Variants in DSE observed in about 807,000 individuals in gnomAD.
DSE encodes the protein dermatan-sulfate epimerase.
DSE carries 36 observed loss-of-function variants against 84.4 expected under a neutral mutation model. That is an observed-to-expected ratio of 0.43 (90% CI 0.33 to 0.56). DSE has a LOEUF of 0.56. Ranked by LOEUF, DSE falls within the 20% of genes least tolerant of loss-of-function variation. DSE has a pLI of 0.06. For missense variants in DSE, 862 were observed against 1,169.6 expected (o/e 0.74, Z 3.84); for synonymous variants, 410 against 430.1 (o/e 0.95, Z 0.58).
At chr6:116,360,904 G>C (rs1213739571) in intron 2 of DSE, among the ~76,000 whole-genome samples, 1 of 151,876 alleles carries the variant, frequency 6.6e-6, no homozygotes, top group Non-Finnish European at 1.5e-5. Context: ...TAAATTCACT[G>C]GTCAGAGTTC....
intron 4 of DSE, among the ~76,000 whole-genome samples, 185 bp downstream of exon 4, chr6:116,431,378 T>A (rs560936998): frequency 2.0e-4 from 30 of 152,334 alleles, no homozygotes; most frequent in Non-Finnish European, 3.8e-4. Flanking sequence ...TTTTGGAGGC[T>A]AATGTGAGTA....
intron 2 of DSE, among the ~76,000 whole-genome samples, chr6:116,407,727 G>T (rs964870491): frequency 5.9e-5 from 9 of 152,112 alleles, no homozygotes; most frequent in African/African-American, 1.2e-4. Context: ...TGTCATTTTT[G>T]AATGTAAGTG....
At chr6:116,420,408 G>C (rs77140938) in intron 2 of DSE, among the ~76,000 whole-genome samples, 5,525 of 152,204 alleles carry the variant, frequency 0.036, 336 homozygotes, top group African/African-American at 0.13. Context: ...AAGAAGCGGT[G>C]CCAGAGAGCT....
At chr6:116,326,856 A>G (rs1776648471) in intron 2 of DSE, among the ~76,000 whole-genome samples, 1 of 152,238 alleles carries the variant, frequency 6.6e-6, no homozygotes, top group Non-Finnish European at 1.5e-5. Context: ...TTCTTACTTC[A>G]TTCTAGTAGA....
chr6:116,379,596 A>G (rs1055047108), intron 1 of DSE, among the ~76,000 whole-genome samples: 6 of 152,128 alleles, frequency 3.9e-5, no homozygotes, highest in Admixed American at 2.6e-4. Context: ...TCCTTCTTAA[A>G]CTATTTTGTG....
At chr6:116,275,089 T>C (rs779399428) in intron 2 of DSE, among the ~76,000 whole-genome samples, 15 of 152,250 alleles carry the variant, frequency 9.9e-5, no homozygotes, top group Non-Finnish European at 2.2e-4. Context: ...CTTTCCATAC[T>C]GAGTCTTCAA....
chr6:116,405,250 T>C (rs1298103866), intron 2 of DSE, among the ~76,000 whole-genome samples: 1 of 152,118 alleles, frequency 6.6e-6, no homozygotes, highest in Non-Finnish European at 1.5e-5. Flanking sequence ...TTTTCACTTC[T>C]CAAAATTGCA....
intron 2 of DSE, among the ~76,000 whole-genome samples, chr6:116,405,235 C>T (rs1781845739): frequency 1.3e-5 from 2 of 152,098 alleles, no homozygotes; most frequent in Non-Finnish European, 2.9e-5. Context: ...AGCTGTTTCT[C>T]GGGTTTTTCA....
At chr6:116,304,138 G>A (rs376815985) in intron 2 of DSE, among the ~76,000 whole-genome samples, 2 of 145,832 alleles carry the variant, frequency 1.4e-5, no homozygotes, top group Non-Finnish European at 1.5e-5. Flanking sequence ...AAAAAAAAAA[G>A]AAAGAAAAAA....
rs764049140 is a variant in DSE, at chr6:116,435,539, T to C, written c.1119-48T>C. On this transcript the variant is annotated intron_variant, in intron 5 of 5. Coordinates refer to ENST00000644252, the MANE Select transcript of DSE (RefSeq NM_013352.4). ...TTCCACATTACCATGTTATGTGTTA[T>C]TTTCACTGCCATCAGAAAACCATTT... The C allele has an allele frequency of 9.2e-6, 14 of 1,523,664 alleles. 1 individual carries two copies. The South Asian group carries it at 1.7e-4, about 19-fold the overall frequency. 94.4% of individuals were successfully genotyped at this position (1,523,664 alleles called of 1,614,324 possible).
intron 1 of DSE, among the ~76,000 whole-genome samples, chr6:116,384,998 C>T (rs1458638859): frequency 6.6e-6 from 1 of 152,172 alleles, no homozygotes; most frequent in Non-Finnish European, 1.5e-5. Context: ...GCAGACCTCA[C>T]TGAGAGAGTG....
At position 116,435,888 on chromosome 6, in the gene DSE, G is replaced by C. The variant is rs1245898059; in HGVS notation, c.1420G>C (p.Gly474Arg). ...GCCTTTCATTACTGAGGCTCTGTAC[G>C]GGCCAAAGTACACCTTCTTCAACAA... The part of the protein sequence containing the change: ...GVPFITEALY[G>R]PKYTFFNNVL... Residue 474 changes from glycine to arginine, a missense_variant, in exon 6 of 6, where the codon GGG becomes CGG. Around this residue, in one of 4 missense-constraint regions of DSE, gnomAD observed 186 missense variants for 255.1 expected, o/e 0.73. Coordinates refer to ENST00000644252, the MANE Select transcript of DSE (RefSeq NM_013352.4). 11 of 1,614,028 alleles carry C rather than the reference G, an allele frequency of 6.8e-6. No homozygotes were observed. Among genetic ancestry groups the C allele is most frequent in the Non-Finnish European group, 9.3e-6 (11 of 1,180,008 alleles).
chr6:116,267,157 T>C (rs546127573), intron 2 of DSE, among the ~76,000 whole-genome samples: 124 of 152,386 alleles, frequency 8.1e-4, no homozygotes, highest in African/African-American at 2.9e-3. Context: ...TACTGGCTTA[T>C]GTATTTACTA....
chr6:116,315,876 G>A (rs1775944251), intron 2 of DSE, among the ~76,000 whole-genome samples: 1 of 152,124 alleles, frequency 6.6e-6, no homozygotes, highest in Non-Finnish European at 1.5e-5. Flanking sequence ...TGTAATCCCA[G>A]CTACTCAGGA....
rs190000029 is a variant in DSE, at chr6:116,260,468, C to G, written c.-54+1501C>G. On this transcript the variant is annotated intron_variant, in intron 2 of 3. Transcript: ENST00000430252. ...TCTGCTGATGGTTTTCTTTGCTGTG[C>G]AGAAGCTCTTTAGTTTAATTAGATA... is the stretch of plus-strand genomic sequence containing the variant. Among the ~76,000 whole-genome samples the G allele has an allele frequency of 2.6e-4, 40 of 152,312 alleles. No individual in the cohort carries two copies. In the East Asian group the frequency reaches 6.6e-3, roughly 25 times the overall value.
At chr6:116,299,537 TATATATATATATATACACATACAC>T (rs1774890950) in intron 2 of DSE, among the ~76,000 whole-genome samples, 4 of 26,642 alleles carry the variant, frequency 1.5e-4, no homozygotes, top group African/African-American at 2.4e-4. Context: ...TATATATATA[TATATATATATATATACACATACAC>T]ACACACACAC....
At chr6:116,261,026 A>G (rs1361099762) in intron 2 of DSE, among the ~76,000 whole-genome samples, 3 of 152,146 alleles carry the variant, frequency 2.0e-5, no homozygotes, top group African/African-American at 4.8e-5. Flanking sequence ...AAGAATGTCA[A>G]TGGTAGTTTA....
At chr6:116,422,088 C>G (rs1208931407) in intron 2 of DSE, among the ~76,000 whole-genome samples, 3 of 152,192 alleles carry the variant, frequency 2.0e-5, no homozygotes, top group Non-Finnish European at 4.4e-5. Context: ...GCATATTTTA[C>G]ACTTAGGAGT....
intron 2 of DSE, among the ~76,000 whole-genome samples, chr6:116,304,715 C>T (rs539790699): frequency 3.9e-5 from 6 of 152,188 alleles, no homozygotes; most frequent in Non-Finnish European, 8.8e-5. Context: ...AGAGGAGGAG[C>T]TGCCCTGGTT....
Sources: allele counts gnomAD v4.1 joint callset (sites outside exome capture counted in the v4.1 genomes callset), GRCh38; gene constraint gnomAD v4.1.1; regional missense constraint gnomAD v4.1.1; transcripts MANE v1.5; gene names NCBI Gene and HGNC (gene_info 2026-07-23, HGNC 2026-07-21).